CIB4: variants seen among roughly 807,000 people sequenced by gnomAD.
The protein encoded by CIB4 is calcium and integrin binding family member 4, also known as calcium and integrin-binding family member 4.
Under a neutral mutation model 25.8 loss-of-function variants are expected in CIB4, and 25 were observed. That is an observed-to-expected ratio of 0.97 (90% CI 0.71 to 1.35). CIB4 has a LOEUF of 1.35. CIB4 is among the 40% of genes most tolerant of loss of function. The probability of loss-of-function intolerance (pLI) is 0.00; values close to 1 mark genes in which losing one functional copy is unlikely to be tolerated. For synonymous variants in CIB4, 75 were observed against 81.4 expected, an observed-to-expected ratio of 0.92 and a Z score of 0.42; for missense variants, 235 against 228.2, an observed-to-expected ratio of 1.03 and a Z score of -0.19.
At chr2:26,596,215 G>T (rs75818448) in intron 3 of CIB4, among the ~76,000 whole-genome samples, 2,382 of 152,256 alleles carry the variant, frequency 0.016, 78 homozygotes, top group East Asian at 0.084. Context: ...AATAGTAAAT[G>T]AATGTCTTTA....
At chr2:26,589,227 C>T (rs1489092092) in intron 4 of CIB4, among the ~76,000 whole-genome samples, 4 of 148,892 alleles carry the variant, frequency 2.7e-5, no homozygotes, top group Admixed American at 1.4e-4. Context: ...TCCTCCTCCT[C>T]CCCCTCTTCT....
At chr2:26,634,147 G>A (rs994397526) in intron 2 of CIB4, among the ~76,000 whole-genome samples, 7 of 152,084 alleles carry the variant, frequency 4.6e-5, no homozygotes, top group African/African-American at 1.7e-4. Context: ...GCACCTACAG[G>A]TTCTACAAGC....
intron 3 of CIB4, among the ~76,000 whole-genome samples, chr2:26,598,097 C>T (rs1008944902): frequency 1.3e-5 from 2 of 151,838 alleles, no homozygotes; most frequent in African/African-American, 4.8e-5. Flanking sequence ...GTCAGGAGTT[C>T]GAGACCAGCC....
intron 4 of CIB4, among the ~76,000 whole-genome samples, chr2:26,586,686 G>T (rs1488301433): frequency 6.6e-6 from 1 of 152,146 alleles, no homozygotes; most frequent in Non-Finnish European, 1.5e-5. Flanking sequence ...TTAAACCCAG[G>T]CAGTCTCACT....
intron 3 of CIB4, among the ~76,000 whole-genome samples, chr2:26,598,579 C>T (rs1668724143): frequency 6.6e-6 from 1 of 152,164 alleles, no homozygotes; most frequent in African/African-American, 2.4e-5. Context: ...TGTCAGGCCG[C>T]AGGGCTAGGG....
chr2:26,589,593 A>T (rs1471929639), intron 4 of CIB4, among the ~76,000 whole-genome samples: 2 of 152,178 alleles, frequency 1.3e-5, no homozygotes, highest in Admixed American at 6.5e-5. Context: ...AAGTGCTGGG[A>T]TTACAGGTGT....
At chr2:26,589,104 CTTCCTCT>C (rs1668530768) in intron 4 of CIB4, among the ~76,000 whole-genome samples, 7 of 110,022 alleles carry the variant, frequency 6.4e-5, no homozygotes, top group Non-Finnish European at 1.1e-4. Context: ...TCTTCTTCTT[CTTCCTCT>C]TCTTCTTCTT....
At chr2:26,618,675 G>A (rs1355582090) in intron 3 of CIB4, among the ~76,000 whole-genome samples, 2 of 152,140 alleles carry the variant, frequency 1.3e-5, no homozygotes, top group Non-Finnish European at 2.9e-5. Flanking sequence ...GGGTCCAGTC[G>A]GACCGGGTGC....
At chr2:26,641,186 G>T in intron 1 of CIB4, 75 bp downstream of exon 1, 1 of 1,271,762 alleles carries the variant, frequency 7.9e-7, no homozygotes, top group Non-Finnish European at 1.2e-6. Context: ...GCGTCAGGAA[G>T]GAATTTTCCC....
chr2:26,618,400 C>T (rs906035455), intron 3 of CIB4, among the ~76,000 whole-genome samples: 2 of 152,232 alleles, frequency 1.3e-5, no homozygotes, highest in East Asian at 1.9e-4. Flanking sequence ...ATCCTCCCAC[C>T]TCAGCCTTCT....
intron 6 of CIB4, among the ~76,000 whole-genome samples, chr2:26,582,255 C>A (rs568063859): frequency 6.6e-6 from 1 of 152,202 alleles, no homozygotes; most frequent in African/African-American, 2.4e-5. Context: ...CCATGGCACG[C>A]GCTGCCTCCA....
Position 26,581,247 on chromosome 2 carries a change from A to G in CIB4, c.*116T>C. 1 of 792,342 alleles carries G rather than the reference A, an allele frequency of 1.3e-6. No homozygotes were observed. The highest frequency in any genetic ancestry group is 2.2e-6 in the Non-Finnish European group (1 of 455,258). The allele number at this position is 792,342 out of a possible 1,614,324, so 49.1% of individuals were successfully genotyped here. ...TTTTATCTAATAAACAATATTCTAG[A>G]GGTGAGTGTGGGCCCAGTACAAAGT... On this transcript the variant is annotated 3_prime_UTR_variant, in exon 7 of 7. Transcript: ENST00000288861.
intron 3 of CIB4, 64 bp downstream of exon 3, chr2:26,629,345 AC>A: frequency 1.1e-6 from 1 of 912,826 alleles, no homozygotes. Context: ...CCCTCCCAGC[AC>A]CCATCAGCCC....
intron 3 of CIB4, among the ~76,000 whole-genome samples, chr2:26,607,845 G>A (rs1424960823): frequency 6.6e-6 from 1 of 152,244 alleles, no homozygotes. Flanking sequence ...AGAAATGTGT[G>A]TTCTGGCTCT....
chr2:26,624,980 G>A (rs948926600), intron 3 of CIB4, among the ~76,000 whole-genome samples: 3 of 152,104 alleles, frequency 2.0e-5, no homozygotes, highest in African/African-American at 7.2e-5. Context: ...TCTCCACGAT[G>A]TGCTTATTTC....
intron 3 of CIB4, among the ~76,000 whole-genome samples, chr2:26,615,061 CTGGTT>C (rs1669065752): frequency 6.6e-6 from 1 of 152,132 alleles, no homozygotes; most frequent in Admixed American, 6.5e-5. Context: ...GTTGCCAGTG[CTGGTT>C]TGAGTTCCAG....
intron 3 of CIB4, among the ~76,000 whole-genome samples, chr2:26,620,221 A>G (rs1212397962): frequency 6.6e-6 from 1 of 151,970 alleles, no homozygotes; most frequent in Non-Finnish European, 1.5e-5. Context: ...CCCGAATCCC[A>G]CAGCGGGGAA....
At chr2:26,638,856 G>T (rs1360382619) in intron 2 of CIB4, among the ~76,000 whole-genome samples, 1 of 152,018 alleles carries the variant, frequency 6.6e-6, no homozygotes. Flanking sequence ...GGAGGCTGAG[G>T]CAAGAGAATT....
intron 3 of CIB4, among the ~76,000 whole-genome samples, chr2:26,603,058 G>A (rs900200957): frequency 2.0e-5 from 3 of 148,818 alleles, no homozygotes; most frequent in African/African-American, 5.0e-5. Flanking sequence ...TCTAAAAAAC[G>A]GGGTGGGGTG....
Sources: allele counts gnomAD v4.1 joint callset (sites outside exome capture counted in the v4.1 genomes callset), GRCh38; gene constraint gnomAD v4.1.1; transcripts MANE v1.5; gene names NCBI Gene and HGNC (gene_info 2026-07-23, HGNC 2026-07-21).